SERPINB12: variants seen among roughly 807,000 people sequenced by gnomAD.
The protein encoded by SERPINB12 is serpin B12.
A neutral mutation model predicts 41.1 loss-of-function variants in SERPINB12; 57 were observed. That is an observed-to-expected ratio of 1.39 (90% CI 1.12 to 1.73). SERPINB12 has a LOEUF of 1.73. SERPINB12 is among the 40% of genes most tolerant of loss of function. The pLI, the probability that SERPINB12 is intolerant of heterozygous loss-of-function variation, is 0.00. For synonymous variants in SERPINB12, 180 were observed against 181.3 expected (o/e 0.99, Z 0.06); for missense variants, 536 against 501.9 (o/e 1.07, Z -0.65).
At chr18:63,559,044 T>G (rs1336273162) in intron 3 of SERPINB12, among the ~76,000 whole-genome samples, 1 of 91,252 alleles carries the variant, frequency 1.1e-5, no homozygotes. Flanking sequence ...CTTTCTTTCT[T>G]TCTTTCTTTC....
At chr18:63,522,672 C>T in the SERPINB12 span, among the ~76,000 whole-genome samples, 2 of 152,076 alleles carry the variant, frequency 1.3e-5, no homozygotes, top group African/African-American at 2.4e-5. Context: ...TTTATTCAGT[C>T]CATCATCTAA....
At chr18:63,552,173 T>C (rs576173819) in intron 1 of SERPINB12, among the ~76,000 whole-genome samples, 10 of 152,310 alleles carry the variant, frequency 6.6e-5, no homozygotes, top group African/African-American at 1.9e-4. Flanking sequence ...TTCAGTTGCT[T>C]GATACTCTCT....
chr18:63,525,367 T>C, the SERPINB12 span, among the ~76,000 whole-genome samples: 1 of 152,144 alleles, frequency 6.6e-6, no homozygotes, highest in South Asian at 2.1e-4. Flanking sequence ...AGTGAAACCT[T>C]AGAAGTGAGC....
At chr18:63,523,911 C>T in the SERPINB12 span, among the ~76,000 whole-genome samples, 1 of 152,136 alleles carries the variant, frequency 6.6e-6, no homozygotes, top group African/African-American at 2.4e-5. Context: ...GGAAGTTGAA[C>T]TTCCAAGATA....
At chr18:63,563,333 A>G (rs918771023) in intron 5 of SERPINB12, among the ~76,000 whole-genome samples, 2 of 152,264 alleles carry the variant, frequency 1.3e-5, no homozygotes, top group Admixed American at 1.3e-4. Context: ...GGAGCTTATC[A>G]TATTGTCAGA....
At chr18:63,563,276 T>C (rs1910973551) in intron 5 of SERPINB12, among the ~76,000 whole-genome samples, 1 of 152,228 alleles carries the variant, frequency 6.6e-6, no homozygotes, top group Non-Finnish European at 1.5e-5. Context: ...TATGCTATGT[T>C]GAGTGCTTGA....
At chr18:63,534,881 A>C in the SERPINB12 span, among the ~76,000 whole-genome samples, 1 of 152,220 alleles carries the variant, frequency 6.6e-6, no homozygotes, top group Non-Finnish European at 1.5e-5. Flanking sequence ...TCTCATTCAC[A>C]ACACATTATG....
the SERPINB12 span, among the ~76,000 whole-genome samples, chr18:63,536,682 C>T: frequency 6.6e-6 from 1 of 152,128 alleles, no homozygotes; most frequent in Non-Finnish European, 1.5e-5. Flanking sequence ...ACGATGATCT[C>T]CATTGGTCTA....
the SERPINB12 span, among the ~76,000 whole-genome samples, chr18:63,526,504 A>G: frequency 0.025 from 3,747 of 152,248 alleles, 166 homozygotes; most frequent in African/African-American, 0.085. Context: ...TTTTAGTCAT[A>G]AGACAGTAAA....
chr18:63,523,899 A>G, the SERPINB12 span, among the ~76,000 whole-genome samples: 2 of 152,334 alleles, frequency 1.3e-5, no homozygotes, highest in Admixed American at 6.5e-5. Flanking sequence ...TGTGGATACA[A>G]CGGAAGTTGA....
intron 5 of SERPINB12, among the ~76,000 whole-genome samples, chr18:63,563,134 G>T (rs1044715453): frequency 1.3e-5 from 2 of 152,174 alleles, no homozygotes; most frequent in African/African-American, 4.8e-5. Flanking sequence ...CCTCCTTATC[G>T]TGGGATGGAT....
chr18:63,542,736 C>T (rs1910299123), intron 1 of SERPINB12, among the ~76,000 whole-genome samples: 1 of 152,094 alleles, frequency 6.6e-6, no homozygotes, highest in Non-Finnish European at 1.5e-5. Flanking sequence ...ATTATTTTGT[C>T]ACCCAGGTAA....
chr18:63,559,546 T>A, intron 3 of SERPINB12, 32 bp from the exon 4 acceptor site: 1 of 1,612,086 alleles, frequency 6.2e-7, no homozygotes, highest in Non-Finnish European at 8.5e-7. Context: ...ATAGACACAG[T>A]GAAGGTCACA....
At position 63,545,489 on chromosome 18, in the gene SERPINB12, T is replaced by C. The variant is rs546517160; in HGVS notation, c.-19+2997T>C. On this transcript the variant is annotated intron_variant, in intron 1 of 7. Transcript: ENST00000382768. ...AGTGTCAGATTTCATCTTCGCTCAT[T>C]GAGCAATCGCACCACACCAAATTTT... 2.6e-5 allele frequency among the ~76,000 whole-genome samples: 4 copies of C among 152,322 alleles called. No individual in the cohort carries two copies. The South Asian group carries it at 8.3e-4, about 32-fold the overall frequency.
chr18:63,560,379 A>G (rs1447744655), intron 4 of SERPINB12, among the ~76,000 whole-genome samples: 1 of 152,196 alleles, frequency 6.6e-6, no homozygotes, highest in Non-Finnish European at 1.5e-5. Context: ...TTAGAGCAGG[A>G]CTAGCCAGGG....
At chr18:63,533,041 C>T in the SERPINB12 span, among the ~76,000 whole-genome samples, 1 of 152,078 alleles carries the variant, frequency 6.6e-6, no homozygotes. Context: ...TGCAGTGGCG[C>T]AATCTCAGCT....
intron 2 of SERPINB12, among the ~76,000 whole-genome samples, chr18:63,556,576 T>C (rs1444178357): frequency 6.6e-6 from 1 of 152,232 alleles, no homozygotes; most frequent in East Asian, 1.9e-4. Context: ...TGGCAGCTTT[T>C]CTCATTCATC....
the SERPINB12 span, among the ~76,000 whole-genome samples, chr18:63,520,685 A>G: frequency 2.0e-5 from 3 of 152,326 alleles, no homozygotes; most frequent in African/African-American, 7.2e-5. Context: ...AGAGGAGAAA[A>G]TGTAGAGAAG....
chr18:63,528,014 T>C, the SERPINB12 span, among the ~76,000 whole-genome samples: 1 of 152,086 alleles, frequency 6.6e-6, no homozygotes, highest in Admixed American at 6.6e-5. Context: ...CTTTGCCTAT[T>C]GCCATGTAAG....
Sources: allele counts gnomAD v4.1 joint callset (sites outside exome capture counted in the v4.1 genomes callset), GRCh38; gene constraint gnomAD v4.1.1; transcripts MANE v1.5; gene names NCBI Gene and HGNC (gene_info 2026-07-23, HGNC 2026-07-21).